Variants in PKP4 observed in about 807,000 individuals in gnomAD.
PKP4 encodes the protein plakophilin 4, also known as plakophilin-4.
Under a neutral mutation model 145.1 loss-of-function variants are expected in PKP4, and 90 were observed. The observed-to-expected ratio is 0.62, with a 90% CI of 0.52 to 0.74. The LOEUF (loss-of-function observed/expected upper bound fraction) is 0.74, where lower values mean the gene tolerates loss of function less well. Ranked by LOEUF, PKP4 falls within the 30% of genes least tolerant of loss-of-function variation. The pLI is 0.00. For synonymous variants in PKP4, 563 were observed against 577.2 expected (o/e 0.98, Z 0.35); for missense variants, 1,340 against 1,482.7 (o/e 0.90, Z 1.58).
chr2:158,582,080 T>C (rs1353200643), intron 3 of PKP4, among the ~76,000 whole-genome samples: 1 of 152,214 alleles, frequency 6.6e-6, no homozygotes, highest in Non-Finnish European at 1.5e-5. Flanking sequence ...TGAAGGTGGG[T>C]TATGGCCTCA....
chr2:158,673,283 C>T (rs1052581992), intron 17 of PKP4, among the ~76,000 whole-genome samples: 2 of 152,210 alleles, frequency 1.3e-5, no homozygotes, highest in African/African-American at 2.4e-5. Context: ...ATAAAACATA[C>T]TCACTTGGGA....
intron 6 of PKP4, among the ~76,000 whole-genome samples, chr2:158,624,077 G>A (rs924811227): frequency 7.9e-5 from 12 of 152,160 alleles, no homozygotes; most frequent in Non-Finnish European, 7.3e-5. Flanking sequence ...CCCAAAAGAG[G>A]CTTTGACCAT....
intron 2 of PKP4, among the ~76,000 whole-genome samples, chr2:158,546,611 T>C (rs1043641911): frequency 1.4e-4 from 21 of 152,174 alleles, no homozygotes; most frequent in African/African-American, 5.1e-4. Flanking sequence ...TTCAAACTAA[T>C]TTCACTTTTG....
chr2:158,472,761 G>C (rs2105407656), intron 1 of PKP4, among the ~76,000 whole-genome samples: 1 of 152,114 alleles, frequency 6.6e-6, no homozygotes. Context: ...GAAGAAGCCA[G>C]TCATCTAATT....
intron 3 of PKP4, among the ~76,000 whole-genome samples, chr2:158,600,208 C>T (rs889193122): frequency 5.3e-5 from 8 of 152,210 alleles, no homozygotes; most frequent in Non-Finnish European, 1.2e-4. Flanking sequence ...TAGTGGATTT[C>T]ATTCTAAATG....
rs1014304379 is a variant in PKP4 at position 158,460,332 on chromosome 2, A to G, written c.-6+3114A>G. Among the ~76,000 whole-genome samples, 5 of 152,354 alleles carry G rather than the reference A, an allele frequency of 3.3e-5. No homozygotes were observed. The South Asian group carries it at 6.2e-4, about 19-fold the overall frequency. On this transcript the variant is annotated intron_variant, in intron 1 of 21. Transcript: ENST00000389759. The stretch of plus-strand genomic sequence containing the variant: ...GTTTAATAAAAATTTTAGCATTTCT[A>G]TGACCTTGAGTATTTGGATTAGGTT...
chr2:158,609,031 G>A (rs528970144), intron 4 of PKP4, among the ~76,000 whole-genome samples: 1 of 151,488 alleles, frequency 6.6e-6, no homozygotes, highest in African/African-American at 2.4e-5. Context: ...TGGCCAGGCT[G>A]GTCTCGAACT....
Position 158,662,987 on chromosome 2 carries a change from T to G in PKP4, c.2302T>G (p.Leu768Val). ...GGCCCGGTTACTGGGACTGAACGAA[T>G]TGGATGACTTACTAGGAAAAGAGTC... The part of the protein sequence containing the change: ...PQARLLGLNE[L>V]DDLLGKESPS... The change falls in exon 14 of 22, where the codon TTG (leucine) becomes GTG (valine). Residue 768 changes from leucine to valine, a missense_variant. By Grantham distance (32) the Leu-to-Val change is conservative (BLOSUM62 1). Transcript: ENST00000389759. 4 of 1,613,860 alleles carry G rather than the reference T, an allele frequency of 2.5e-6. No individual in the cohort carries two copies. In the South Asian group the frequency reaches 4.4e-5, roughly 18 times the overall value.
intron 1 of PKP4, among the ~76,000 whole-genome samples, chr2:158,498,637 T>C (rs1696100773): frequency 6.6e-6 from 1 of 152,164 alleles, no homozygotes; most frequent in Non-Finnish European, 1.5e-5. Context: ...CCCCAGGATA[T>C]TTCTTCTAAA....
intron 9 of PKP4, among the ~76,000 whole-genome samples, chr2:158,634,501 A>C (rs113289318): frequency 6.6e-6 from 1 of 152,184 alleles, no homozygotes; most frequent in African/African-American, 2.4e-5. Context: ...CCATCCTTTC[A>C]TAATAAGTTA....
chr2:158,630,824 A>C (rs1346339603), intron 7 of PKP4, among the ~76,000 whole-genome samples: 1 of 152,258 alleles, frequency 6.6e-6, no homozygotes, highest in Non-Finnish European at 1.5e-5. Context: ...TCAGCATCAT[A>C]AAATAGCTTA....
At chr2:158,482,875 G>T (rs964804150) in intron 1 of PKP4, among the ~76,000 whole-genome samples, 5 of 152,028 alleles carry the variant, frequency 3.3e-5, no homozygotes, top group African/African-American at 1.2e-4. Flanking sequence ...TAGAGAACAT[G>T]CAGGTCATTG....
At chr2:158,635,075 A>G (rs1341703314) in intron 9 of PKP4, among the ~76,000 whole-genome samples, 1 of 152,214 alleles carries the variant, frequency 6.6e-6, no homozygotes, top group Non-Finnish European at 1.5e-5. Context: ...TAAGGCATGT[A>G]TGCAAGATTT....
chr2:158,510,802 A>G (rs751759945), intron 1 of PKP4, among the ~76,000 whole-genome samples: 1 of 152,212 alleles, frequency 6.6e-6, no homozygotes, highest in African/African-American at 2.4e-5. Flanking sequence ...TTGAAAGGGA[A>G]CTGCTTTCAG....
intron 19 of PKP4, among the ~76,000 whole-genome samples, chr2:158,675,994 T>C (rs73006949): frequency 0.12 from 18,525 of 152,168 alleles, 1,419 homozygotes; most frequent in African/African-American, 0.19. Context: ...TATTTCTCTC[T>C]TCTTTCTGTG....
rs144514552 is a variant in PKP4, at chr2:158,515,982, C to T, written c.-5-17198C>T. Among the ~76,000 whole-genome samples the T allele has an allele frequency of 1.1e-3, 161 of 150,696 alleles. 2 individuals carry two copies. The highest frequency in any genetic ancestry group is 3.5e-3 in the Middle Eastern group (1 of 282). On this transcript the variant is annotated intron_variant, in intron 1 of 21. Coordinates refer to ENST00000389759, the MANE Select transcript of PKP4 (RefSeq NM_003628.6). Reference sequence around the variant, plus strand: ...GATCGTGTGACCTAGGAGTTCAAGGCTGTAGTGAGCTATGATTGTGCCACT... The same window carrying T: ...GATCGTGTGACCTAGGAGTTCAAGGTTGTAGTGAGCTATGATTGTGCCACT...
intron 1 of PKP4, among the ~76,000 whole-genome samples, chr2:158,489,049 G>T (rs1389154073): frequency 6.6e-6 from 1 of 152,046 alleles, no homozygotes; most frequent in Admixed American, 6.6e-5. Flanking sequence ...GATGATGATT[G>T]TTTTGATAAA....
At chr2:158,539,623 G>A (rs1215103518) in intron 2 of PKP4, among the ~76,000 whole-genome samples, 2 of 152,072 alleles carry the variant, frequency 1.3e-5, no homozygotes, top group African/African-American at 4.8e-5. Context: ...GAATTATCCT[G>A]GCAGTTATTG....
rs749110889 is a variant in PKP4, at chr2:158,634,057, G to A, written c.1343-13G>A. 3 of 1,469,544 alleles carry A rather than the reference G, an allele frequency of 2.0e-6. No homozygotes were observed. The highest frequency in any genetic ancestry group is 2.8e-5 in the African/African-American group (2 of 71,972). 91.0% of individuals were successfully genotyped at this position (1,469,544 alleles called of 1,614,324 possible). On this transcript the variant is annotated splice_polypyrimidine_tract_variant and intron_variant, in intron 8 of 21. Transcript: ENST00000389759. Reference sequence around the variant, plus strand: ...AGAACATACTAATCTTTTTCAAAATGTTGACTTTCTAGTAGGTATTGGAAA... The same window carrying A: ...AGAACATACTAATCTTTTTCAAAATATTGACTTTCTAGTAGGTATTGGAAA...
Sources: gnomAD v4.1 joint callset for allele counts (sites outside exome capture counted in the v4.1 genomes callset) on GRCh38, gnomAD v4.1.1 for gene constraint, MANE v1.5 for transcripts, NCBI Gene and HGNC (gene_info 2026-07-23, HGNC 2026-07-21) for gene names.